FBXO25: variants seen among roughly 807,000 people sequenced by gnomAD.
FBXO25 encodes the protein F-box only protein 25.
FBXO25 carries 45 observed loss-of-function variants against 51.9 expected under a neutral mutation model. The observed-to-expected ratio is 0.87, with a 90% CI of 0.68 to 1.11. The LOEUF is 1.11. Among genes scored for constraint, FBXO25 ranks in the 50% most tolerant of loss-of-function variants. The probability of loss-of-function intolerance (pLI) is 0.00; values close to 1 mark genes in which losing one functional copy is unlikely to be tolerated. For synonymous variants in FBXO25, 199 were observed against 151.0 expected (o/e 1.32, Z -2.33); for missense variants, 507 against 428.5 (o/e 1.18, Z -1.62).
rs1406438612 is a variant in FBXO25, at chr8:451,333, C to T, written c.540C>T (p.Leu180=). The change falls in exon 7 of 10, where the codon CTC becomes CTT. Residue 180 remains leucine (L), a synonymous_variant. Transcript: ENST00000350302. The part of the protein sequence containing the change: ...KDLLQDLSST[L]CILIRGVGKS... ...TTCTGCAAGACCTAAGCTCTACCCT[C>T]TGCATTCTTATTAGAGGAGTAGGGA... The T allele has an allele frequency of 1.9e-6, 3 of 1,613,980 alleles. No homozygotes were observed. The highest frequency in any genetic ancestry group is 1.7e-5 in the Admixed American group (1 of 60,000).
Position 468,709 on chromosome 8 carries a change from C to G in FBXO25, c.988-6C>G. ...CCCCTCCTAACCATCTCCCACCTCC[C>G]CACAGGACTCAGGACACCCCTGCAC... On this transcript the variant is annotated splice_polypyrimidine_tract_variant and splice_region_variant and intron_variant, in intron 9 of 9. Transcript: ENST00000350302. The G allele has an allele frequency of 6.2e-7, 1 of 1,613,320 alleles. No homozygotes were observed.
intron 2 of FBXO25, among the ~76,000 whole-genome samples, chr8:423,364 A>G (rs1408359068): frequency 2.0e-5 from 3 of 152,142 alleles, no homozygotes; most frequent in Admixed American, 6.5e-5. Flanking sequence ...AAAATATTGC[A>G]TGAGGCTGGG....
intron 1 of FBXO25, among the ~76,000 whole-genome samples, chr8:411,858 T>G (rs2117408557): frequency 1.3e-5 from 2 of 152,302 alleles, no homozygotes; most frequent in Admixed American, 1.3e-4. Context: ...GTTTTTAGCC[T>G]CATGCACAGT....
intron 7 of FBXO25, among the ~76,000 whole-genome samples, 161 bp from the exon 8 acceptor site, chr8:458,208 G>C (rs906708068): frequency 2.0e-5 from 3 of 152,196 alleles, no homozygotes; most frequent in African/African-American, 7.2e-5. Flanking sequence ...CTTCCCCACG[G>C]TGGTGGATGC....
intron 2 of FBXO25, among the ~76,000 whole-genome samples, chr8:416,228 TTG>T (rs1796792290): frequency 6.6e-6 from 1 of 152,240 alleles, no homozygotes; most frequent in South Asian, 2.1e-4. Context: ...CTACTCCTCT[TTG>T]TGTTATCAAT....
intron 8 of FBXO25, among the ~76,000 whole-genome samples, chr8:458,892 AC>A (rs1237169407): frequency 6.6e-6 from 1 of 152,058 alleles, no homozygotes; most frequent in Non-Finnish European, 1.5e-5. Flanking sequence ...AGTTCTTTTG[AC>A]CAAGCTGCAC....
chr8:456,941 C>A (rs761717770), intron 7 of FBXO25, among the ~76,000 whole-genome samples: 2 of 152,198 alleles, frequency 1.3e-5, no homozygotes, highest in Non-Finnish European at 2.9e-5. Context: ...ACGCTCCACT[C>A]TCCACAGAGG....
Position 474,727 on chromosome 8 carries a change from A to G in FBXO25, c.*5923A>G, listed in dbSNP as rs1055035674. The G allele has an allele frequency of 2.2e-6, 1 of 456,356 alleles. No homozygotes were observed. The highest frequency in any genetic ancestry group is 2.0e-5 in the African/African-American group (1 of 50,058). 28.3% of individuals were successfully genotyped at this position (456,356 alleles called of 1,614,324 possible). A position where few individuals can be genotyped will look rare whatever the true frequency, so the allele number is the denominator to read the frequency against. ...ATTTTTCAATCAGGTGTGTGTTTTT[A>G]TATGTTCTGGGTATTCACCCTTTTC... On this transcript the variant is annotated 3_prime_UTR_variant, in exon 10 of 10. Transcript: ENST00000350302.
intron 7 of FBXO25, 56 bp downstream of exon 7, chr8:451,509 A>G: frequency 6.6e-7 from 1 of 1,504,744 alleles, no homozygotes; most frequent in Non-Finnish European, 9.1e-7. Context: ...TACAGAAGTT[A>G]TCTTTTCTAA....
chr8:468,276 G>C, intron 9 of FBXO25: 1 of 1,015,854 alleles, frequency 9.8e-7, no homozygotes, highest in Non-Finnish European at 1.2e-6. Context: ...AGCCCAAGCT[G>C]ATTCAGGGAT....
intron 1 of FBXO25, among the ~76,000 whole-genome samples, chr8:411,685 C>T (rs1215966280): frequency 3.9e-5 from 6 of 152,060 alleles, no homozygotes; most frequent in Admixed American, 2.0e-4. Context: ...ATGATAAACA[C>T]GCTAATCATT....
intron 9 of FBXO25, chr8:467,939 A>T (rs1176944780): frequency 7.0e-7 from 1 of 1,425,932 alleles, no homozygotes; most frequent in Non-Finnish European, 9.2e-7. Context: ...GTGTTGATGA[A>T]ATATTTTGCA....
At chr8:437,626 C>G (rs183281330) in intron 5 of FBXO25, among the ~76,000 whole-genome samples, 7 of 152,244 alleles carry the variant, frequency 4.6e-5, no homozygotes, top group African/African-American at 1.2e-4. Flanking sequence ...TGTGGTAAAG[C>G]CTGAGCCTGT....
rs1800500240 is a variant in FBXO25 at position 471,993 on chromosome 8, T to C, written c.*3189T>C. The stretch of plus-strand genomic sequence containing the variant: ...TAACACCTTTGTAGATTCCTGATGC[T>C]GTGTACAAAATCATGTCATCTATGA... On this transcript the variant is annotated 3_prime_UTR_variant, in exon 10 of 10. Transcript: ENST00000350302. 6.6e-6 allele frequency: 1 copy of C among 152,258 alleles called. No homozygotes were observed. The highest frequency in any genetic ancestry group is 2.4e-5 in the African/African-American group (1 of 41,476). 9.4% of individuals were successfully genotyped at this position (152,258 alleles called of 1,614,324 possible). A position where few individuals can be genotyped will look rare whatever the true frequency, so the allele number is the denominator to read the frequency against.
chr8:468,901 A>C lies in FBXO25; in HGVS notation c.*97A>C. ...GTGAGGTGGGTGGAGACTCCTCGGA[A>C]GCCCCTGCTTCCAGAAAGCCTGGGA... On this transcript the variant is annotated 3_prime_UTR_variant, in exon 10 of 10. Transcript: ENST00000350302. 2.6e-6 allele frequency: 3 copies of C among 1,143,608 alleles called. No individual in the cohort carries two copies. The highest frequency in any genetic ancestry group is 3.7e-6 in the Non-Finnish European group (3 of 816,996). The allele number at this position is 1,143,608 out of a possible 1,614,324, so 70.8% of individuals were successfully genotyped here. A position where few individuals can be genotyped will look rare whatever the true frequency, so the allele number is the denominator to read the frequency against.
In FBXO25 at chr8:470,929, T is replaced by G. The variant is rs1468033248; in HGVS notation, c.*2125T>G. The stretch of plus-strand genomic sequence containing the variant: ...ATGTCAGTCTTTTTTCATGTTAGTT[T>G]CTTCTTAAAAGGAAACTATCCTTTT... On this transcript the variant is annotated 3_prime_UTR_variant, in exon 10 of 10. Coordinates refer to ENST00000350302, the MANE Select transcript of FBXO25 (RefSeq NM_183420.2). 1 of 152,206 alleles carries G rather than the reference T, an allele frequency of 6.6e-6. No individual in the cohort carries two copies. Among genetic ancestry groups the G allele is most frequent in the Non-Finnish European group, 1.5e-5 (1 of 68,028 alleles). 9.4% of individuals were successfully genotyped at this position (152,206 alleles called of 1,614,324 possible).
At chr8:456,575 T>C (rs576241844) in intron 7 of FBXO25, among the ~76,000 whole-genome samples, 27 of 152,310 alleles carry the variant, frequency 1.8e-4, no homozygotes, top group African/African-American at 6.3e-4. Context: ...ATCTGCCCTA[T>C]GCGTGGGTCC....
At chr8:442,842 A>G (rs1350729612) in intron 5 of FBXO25, among the ~76,000 whole-genome samples, 7 of 152,344 alleles carry the variant, frequency 4.6e-5, no homozygotes, top group Non-Finnish European at 8.8e-5. Context: ...TCTTATACAG[A>G]AAAAGATATA....
chr8:432,554 A>G (rs1374227337), intron 3 of FBXO25, among the ~76,000 whole-genome samples: 3 of 152,250 alleles, frequency 2.0e-5, no homozygotes, highest in Non-Finnish European at 4.4e-5. Context: ...ACACAGCAAC[A>G]GAAGAATAGA....
Sources: allele counts gnomAD v4.1 joint callset (sites outside exome capture counted in the v4.1 genomes callset), GRCh38; gene constraint gnomAD v4.1.1; transcripts MANE v1.5; gene names NCBI Gene and HGNC (gene_info 2026-07-23, HGNC 2026-07-21).